Variants in TENM2 observed in about 807,000 individuals in gnomAD.
TENM2 encodes the protein teneurin-2.
Under a neutral mutation model 245.2 loss-of-function variants are expected in TENM2, and 52 were observed. The observed-to-expected ratio is 0.21, with a 90% CI of 0.17 to 0.27. TENM2 has a LOEUF of 0.27. Ranked by LOEUF, TENM2 falls within the 10% of genes least tolerant of loss-of-function variation. The pLI, the probability that TENM2 is intolerant of heterozygous loss-of-function variation, is 1.00. For missense variants in TENM2, 3,046 were observed against 3,666.8 expected, an observed-to-expected ratio of 0.83 and a Z score of 4.37; for synonymous variants, 1,363 against 1,438.9, an observed-to-expected ratio of 0.95 and a Z score of 1.19.
chr5:168,034,214 G>A (rs967773197), intron 5 of TENM2, among the ~76,000 whole-genome samples: 31 of 148,652 alleles, frequency 2.1e-4, no homozygotes, highest in African/African-American at 6.5e-4. Context: ...GTTGTGGCAC[G>A]TGCCTGTAAT....
intron 2 of TENM2, among the ~76,000 whole-genome samples, chr5:167,772,665 A>C (rs1431476116): frequency 6.6e-6 from 1 of 152,014 alleles, no homozygotes; most frequent in African/African-American, 2.4e-5. Context: ...AAAGCACCCT[A>C]TTAATAGTTT....
At chr5:167,014,253 G>A in the TENM2 span, among the ~76,000 whole-genome samples, 2 of 150,624 alleles carry the variant, frequency 1.3e-5, no homozygotes, top group Non-Finnish European at 2.9e-5. Context: ...GGCTTTTAGA[G>A]AAAAGTAAAA....
chr5:168,205,868 A>G (rs1317158409), intron 19 of TENM2, among the ~76,000 whole-genome samples: 1 of 152,170 alleles, frequency 6.6e-6, no homozygotes, highest in South Asian at 2.1e-4. Flanking sequence ...GCTATTGTGT[A>G]TGGAGTAGAT....
chr5:168,039,200 C>G (rs1787967521), intron 5 of TENM2, among the ~76,000 whole-genome samples: 1 of 152,214 alleles, frequency 6.6e-6, no homozygotes, highest in Admixed American at 6.5e-5. Flanking sequence ...TTCATAATGT[C>G]TGCTTCCTAG....
chr5:167,761,523 A>T (rs1762668802), intron 2 of TENM2, among the ~76,000 whole-genome samples: 1 of 152,184 alleles, frequency 6.6e-6, no homozygotes, highest in Non-Finnish European at 1.5e-5. Flanking sequence ...ATCATCCTAA[A>T]ATCATGTTCT....
chr5:167,587,081 CTGT>C, intron 2 of TENM2, among the ~76,000 whole-genome samples: 1 of 152,186 alleles, frequency 6.6e-6, no homozygotes, highest in Non-Finnish European at 1.5e-5. Context: ...TTTAGTAATT[CTGT>C]TGTTGTTTCC....
chr5:167,090,858 A>T, the TENM2 span, among the ~76,000 whole-genome samples: 1 of 144,272 alleles, frequency 6.9e-6, no homozygotes, highest in East Asian at 2.0e-4. Context: ...TAAAATGTAT[A>T]TTGGCATTTG....
chr5:167,353,138 T>C (rs1210392035), intron 1 of TENM2, among the ~76,000 whole-genome samples: 2 of 152,162 alleles, frequency 1.3e-5, no homozygotes, highest in Non-Finnish European at 2.9e-5. Context: ...ATGCCTCTAA[T>C]CTGTGAAATG....
chr5:167,736,523 T>G (rs1760809024), intron 2 of TENM2, among the ~76,000 whole-genome samples: 1 of 152,106 alleles, frequency 6.6e-6, no homozygotes, highest in Admixed American at 6.6e-5. Context: ...TTACAAATCC[T>G]ATATTGCTCA....
At chr5:167,267,829 C>G in the TENM2 span, among the ~76,000 whole-genome samples, 1 of 152,112 alleles carries the variant, frequency 6.6e-6, no homozygotes, top group Non-Finnish European at 1.5e-5. Flanking sequence ...TAAATTTGCA[C>G]AAAATTTTTT....
chr5:167,709,512 G>A (rs1758764746), intron 2 of TENM2, among the ~76,000 whole-genome samples: 1 of 152,222 alleles, frequency 6.6e-6, no homozygotes, highest in Admixed American at 6.5e-5. Context: ...AAACTAGAGT[G>A]AAAGTCAGAA....
At chr5:167,562,838 T>C (rs1285833272) in intron 2 of TENM2, among the ~76,000 whole-genome samples, 1 of 151,636 alleles carries the variant, frequency 6.6e-6, no homozygotes, top group Non-Finnish European at 1.5e-5. Flanking sequence ...GCGCCTGTAG[T>C]CCCAGCTGCT....
intron 3 of TENM2, 107 bp downstream of exon 5, chr5:167,876,302 G>C: frequency 1.1e-6 from 1 of 910,004 alleles, no homozygotes; most frequent in Middle Eastern, 2.2e-4. Flanking sequence ...AGGTGGTGTG[G>C]GGAGCATCAG....
At chr5:167,261,510 C>G in the TENM2 span, among the ~76,000 whole-genome samples, 1 of 152,002 alleles carries the variant, frequency 6.6e-6, no homozygotes, top group Non-Finnish European at 1.5e-5. Context: ...ACATCATCAT[C>G]ATCATCTTCT....
chr5:167,915,422 G>A (rs1167980318), intron 3 of TENM2, among the ~76,000 whole-genome samples: 1 of 152,156 alleles, frequency 6.6e-6, no homozygotes, highest in African/African-American at 2.4e-5. Context: ...TCTTGGAAGT[G>A]TCTTTTCCCC....
At chr5:167,152,395 A>G in the TENM2 span, among the ~76,000 whole-genome samples, 1 of 152,226 alleles carries the variant, frequency 6.6e-6, no homozygotes, top group Non-Finnish European at 1.5e-5. Flanking sequence ...GTAACGTGAA[A>G]GCTAGTAGGA....
chr5:166,987,251 T>C, the TENM2 span, among the ~76,000 whole-genome samples: 103 of 152,240 alleles, frequency 6.8e-4, no homozygotes, highest in African/African-American at 2.4e-3. Context: ...AATTCATAAG[T>C]GTTTATTAAG....
At chr5:167,610,162 A>C (rs1777375388) in intron 2 of TENM2, among the ~76,000 whole-genome samples, 1 of 152,152 alleles carries the variant, frequency 6.6e-6, no homozygotes, top group African/African-American at 2.4e-5. Context: ...ACAGCCAGGC[A>C]GAAGAGAAGC....
chr5:167,193,858 G>C, the TENM2 span, among the ~76,000 whole-genome samples: 2 of 152,002 alleles, frequency 1.3e-5, 1 homozygote, highest in South Asian at 4.1e-4. Context: ...GAGCTTATGT[G>C]ACAGAAATTG....
Sources: allele counts gnomAD v4.1 joint callset (sites outside exome capture counted in the v4.1 genomes callset), GRCh38; gene constraint gnomAD v4.1.1; transcripts MANE v1.5; gene names NCBI Gene and HGNC (gene_info 2026-07-23, HGNC 2026-07-21).